Variants in DAB1 observed in about 807,000 individuals in gnomAD.
DAB1 encodes disabled homolog 1.
In DAB1, 15 loss-of-function variants were observed where a neutral mutation model predicts 64.6. That is an observed-to-expected ratio of 0.23 (90% CI 0.16 to 0.36). The LOEUF (loss-of-function observed/expected upper bound fraction) is 0.36, where lower values mean the gene tolerates loss of function less well. Ranked by LOEUF, DAB1 falls within the 10% of genes least tolerant of loss-of-function variation. The pLI is 1.00. For synonymous variants in DAB1, 235 were observed against 251.9 expected, an observed-to-expected ratio of 0.93 and a Z score of 0.64; for missense variants, 596 against 706.7, an observed-to-expected ratio of 0.84 and a Z score of 1.78.
At chr1:57,713,152 T>G (rs565501931) in intron 6 of DAB1, among the ~76,000 whole-genome samples, 1 of 152,280 alleles carries the variant, frequency 6.6e-6, no homozygotes, top group African/African-American at 2.4e-5. Flanking sequence ...CTCTATGAAT[T>G]TATTACTTAC....
chr1:57,344,918 G>A (rs906055624), intron 1 of DAB1, among the ~76,000 whole-genome samples: 1 of 152,116 alleles, frequency 6.6e-6, no homozygotes, highest in African/African-American at 2.4e-5. Flanking sequence ...CCTTGGCTTG[G>A]TGCCTCCAAA....
Position 57,958,609 on chromosome 1 carries a change from G to A in DAB1, n.388-74447C>T, listed in dbSNP as rs541754799. 3.0e-4 allele frequency among the ~76,000 whole-genome samples: 45 copies of A among 152,286 alleles called. No homozygotes were observed. The South Asian group carries it at 9.3e-3, about 32-fold the overall frequency. ...TCAGAATAGGCATTAGGTTGTGAAA[G>A]CTGCCATAAACAAAGTGCCACTAAC... On this transcript the variant is annotated intron_variant and non_coding_transcript_variant, in intron 5 of 20. Transcript: ENST00000485760.
At chr1:57,900,391 C>T (rs1244081675) in intron 5 of DAB1, among the ~76,000 whole-genome samples, 1 of 152,158 alleles carries the variant, frequency 6.6e-6, no homozygotes, top group Non-Finnish European at 1.5e-5. Context: ...TGCCTGACCA[C>T]TTTGGGGAAA....
intron 5 of DAB1, among the ~76,000 whole-genome samples, chr1:58,091,228 A>C (rs1206115971): frequency 2.0e-5 from 3 of 152,114 alleles, no homozygotes; most frequent in Non-Finnish European, 1.5e-5. Flanking sequence ...TTTATTTATT[A>C]CCCTTTTGGA....
At chr1:58,164,189 T>TAA (rs71691727) in intron 4 of DAB1, among the ~76,000 whole-genome samples, 2,476 of 115,412 alleles carry the variant, frequency 0.021, 43 homozygotes, top group African/African-American at 0.033. Flanking sequence ...GAGCTCAGCT[T>TAA]AAAAAAAAAA....
At position 58,465,919 on chromosome 1, in the gene DAB1, T is replaced by A. The variant is rs556989179; in HGVS notation, n.257+40141A>T. 2.6e-5 allele frequency among the ~76,000 whole-genome samples: 4 copies of A among 152,278 alleles called. No homozygotes were observed. The South Asian group carries it at 8.3e-4, about 32-fold the overall frequency. The stretch of plus-strand genomic sequence containing the variant: ...CCCTCACCACTACCCGATGCCACCT[T>A]TTCTCAGGACTGCTTCCCTTGGCAG... On this transcript the variant is annotated intron_variant and non_coding_transcript_variant, in intron 3 of 20. Transcript: ENST00000485760.
At chr1:58,079,788 G>A (rs1209627231) in intron 5 of DAB1, among the ~76,000 whole-genome samples, 1 of 151,544 alleles carries the variant, frequency 6.6e-6, no homozygotes, top group African/African-American at 2.4e-5. Context: ...CAAAGTGCTG[G>A]GATTACAGGT....
At chr1:57,392,026 T>C (rs1327515252) in intron 1 of DAB1, among the ~76,000 whole-genome samples, 1 of 152,036 alleles carries the variant, frequency 6.6e-6, no homozygotes, top group Admixed American at 6.6e-5. Context: ...CAGGTACACT[T>C]TAAGGATAAT....
intron 4 of DAB1, among the ~76,000 whole-genome samples, chr1:57,107,112 C>T (rs1184167931): frequency 2.6e-5 from 4 of 152,078 alleles, no homozygotes; most frequent in African/African-American, 9.7e-5. Context: ...TGGTGGCTCA[C>T]GCCTGTAATC....
intron 2 of DAB1, among the ~76,000 whole-genome samples, chr1:57,288,550 C>G (rs922840263): frequency 1.1e-4 from 16 of 152,146 alleles, no homozygotes; most frequent in Non-Finnish European, 7.3e-5. Context: ...AGATGACCAT[C>G]TATGAGCCAG....
At chr1:58,382,037 T>C (rs964928363) in intron 3 of DAB1, among the ~76,000 whole-genome samples, 2 of 152,206 alleles carry the variant, frequency 1.3e-5, no homozygotes, top group Admixed American at 6.5e-5. Flanking sequence ...ATTTGAACCT[T>C]TGACTTTAGC....
At chr1:57,493,944 C>A (rs1644197995) in intron 7 of DAB1, among the ~76,000 whole-genome samples, 1 of 152,162 alleles carries the variant, frequency 6.6e-6, no homozygotes. Flanking sequence ...GTATTTCGGC[C>A]ATTTCACTTA....
At chr1:58,101,910 T>A (rs1009171175) in intron 5 of DAB1, among the ~76,000 whole-genome samples, 6 of 152,282 alleles carry the variant, frequency 3.9e-5, no homozygotes, top group Non-Finnish European at 8.8e-5. Flanking sequence ...AGGATCCAGG[T>A]TTGCAGGTCC....
At chr1:57,301,747 C>A (rs1304698312) in intron 1 of DAB1, among the ~76,000 whole-genome samples, 4 of 152,176 alleles carry the variant, frequency 2.6e-5, no homozygotes, top group Non-Finnish European at 5.9e-5. Context: ...CTAGGTGGTG[C>A]AACAGATGAC....
intron 3 of DAB1, among the ~76,000 whole-genome samples, chr1:58,375,157 TTG>T (rs2100540488): frequency 6.7e-6 from 1 of 150,006 alleles, no homozygotes; most frequent in South Asian, 2.1e-4. Context: ...CTTTTCCTAA[TTG>T]AATACCCTTT....
At chr1:57,782,424 G>A (rs1650144137) in intron 6 of DAB1, among the ~76,000 whole-genome samples, 1 of 152,056 alleles carries the variant, frequency 6.6e-6, no homozygotes, top group African/African-American at 2.4e-5. Flanking sequence ...ATATACCACT[G>A]ATTTGTGATT....
At chr1:57,555,020 T>A (rs1364589521) in intron 7 of DAB1, among the ~76,000 whole-genome samples, 2 of 139,250 alleles carry the variant, frequency 1.4e-5, no homozygotes, top group African/African-American at 2.6e-5. Flanking sequence ...ATCTTCGGTA[T>A]CTCTATTTTT....
chr1:57,064,466 C>T (rs1304014495), intron 8 of DAB1, among the ~76,000 whole-genome samples: 2 of 152,178 alleles, frequency 1.3e-5, no homozygotes, highest in African/African-American at 4.8e-5. Context: ...ATGCAATCCT[C>T]AAGACAAGTC....
At position 57,487,190 on chromosome 1, in the gene DAB1, A is replaced by G. The variant is rs60312901; in HGVS notation, n.625+162402T>C. ...CTTTGGAGGTGGAAAGAACACAGGT[A>G]GAGGTAGATATAGTTCCTCTTAATT... On this transcript the variant is annotated intron_variant and non_coding_transcript_variant, in intron 7 of 20. Transcript: ENST00000485760. 4.1e-3 allele frequency among the ~76,000 whole-genome samples: 619 copies of G among 152,316 alleles called. 2 individuals carry two copies. Among genetic ancestry groups the G allele is most frequent in the African/African-American group, 0.014 (592 of 41,562 alleles).
Sources: allele counts gnomAD v4.1 joint callset (sites outside exome capture counted in the v4.1 genomes callset), GRCh38; gene constraint gnomAD v4.1.1; transcripts MANE v1.5; gene names NCBI Gene and HGNC (gene_info 2026-07-23, HGNC 2026-07-21).